The following RNF213 variants were observed in gnomAD, a reference collection of about 807,000 sequenced individuals.
RNF213 encodes the protein ring finger protein 213.
In RNF213, 341 loss-of-function variants were observed where a neutral mutation model predicts 514.4. That is an observed-to-expected ratio of 0.66 (90% CI 0.61 to 0.73). The LOEUF (loss-of-function observed/expected upper bound fraction) is 0.73. RNF213 is among the 30% of genes least tolerant of loss of function. The pLI is 0.00. For missense variants in RNF213, 5,767 were observed against 6,615.6 expected, an observed-to-expected ratio of 0.87 and a Z score of 4.45; for synonymous variants, 2,655 against 2,658.2, an observed-to-expected ratio of 1.00 and a Z score of 0.04.
chr17:80,318,874 A>G (rs896411381), intron 16 of RNF213, among the ~76,000 whole-genome samples: 1 of 152,212 alleles, frequency 6.6e-6, no homozygotes. Flanking sequence ...CGCCCGGCCT[A>G]TATGTAACTG....
chr17:80,385,182 GCT>G lies in RNF213; in HGVS notation c.14455+14_14455+15del. 1 of 1,614,156 alleles carries G rather than the reference GCT, an allele frequency of 6.2e-7. No homozygotes were observed. The highest frequency in any genetic ancestry group is 8.5e-7 in the Non-Finnish European group (1 of 1,180,010). On this transcript the variant is annotated intron_variant, in intron 60 of 67. Coordinates refer to ENST00000582970, the MANE Select transcript of RNF213 (RefSeq NM_001256071.3). ...GCAAGCACAGCTCAGGTGTGGCTCT[GCT>G]CTGACAGGACCAGGACTGTCCCGCA...
chr17:80,293,081 A>G (rs1034578668), intron 8 of RNF213, among the ~76,000 whole-genome samples: 4 of 152,086 alleles, frequency 2.6e-5, no homozygotes, highest in African/African-American at 9.7e-5. Context: ...TTTCTGAGAC[A>G]GGATCTCGCT....
intron 62 of RNF213, 28 bp from the exon 63 acceptor site, chr17:80,386,662 C>T (rs780290249): frequency 8.1e-6 from 13 of 1,611,028 alleles, no homozygotes; most frequent in East Asian, 2.2e-5. Context: ...CTGGCCTGGA[C>T]GCTGAGCGCT....
At position 80,295,544 on chromosome 17, in the gene RNF213, C is replaced by T; in HGVS notation, c.1756-13C>T. 6.2e-7 allele frequency: 1 copy of T among 1,614,080 alleles called. No homozygotes were observed. The highest frequency in any genetic ancestry group is 1.3e-5 in the African/African-American group (1 of 75,058). Reference sequence around the variant, plus strand: ...TCCATGGTTCATGCATCTTCCTCTTCTCCCACCATCAGGTGAAGAGATACC... The same window carrying T: ...TCCATGGTTCATGCATCTTCCTCTTTTCCCACCATCAGGTGAAGAGATACC... On this transcript the variant is annotated splice_polypyrimidine_tract_variant and intron_variant, in intron 9 of 67. Transcript: ENST00000582970.
At chr17:80,294,163 C>A (rs752475961) in intron 8 of RNF213, among the ~76,000 whole-genome samples, 1 of 152,218 alleles carries the variant, frequency 6.6e-6, no homozygotes, top group Non-Finnish European at 1.5e-5. Context: ...GCACTCATAT[C>A]GTTTGCAATG....
At chr17:80,340,809 T>C (rs752333057) in intron 26 of RNF213, 6 of 166,608 alleles carry the variant, frequency 3.6e-5, no homozygotes, top group African/African-American at 1.2e-4. Flanking sequence ...TTGTTTTTTG[T>C]TTTTTGTTTT....
rs1291083187 is a variant in RNF213, at chr17:80,327,872, G to A, written c.3250G>A (p.Val1084Ile). The A allele has an allele frequency of 1.3e-6, 2 of 1,537,272 alleles. No homozygotes were observed. The highest frequency in any genetic ancestry group is 1.4e-5 in the African/African-American group (1 of 73,162). ...AGAGGATGCCAAGAGGCTGATAGCT[G>A]TTGCCGACTCTGTGTTGACGAAAGT... is the stretch of plus-strand genomic sequence containing the variant. ...VTEDAKRLIA[V>I]ADSVLTKVVG... Residue 1084 changes from valine (V) to isoleucine (I), a missense_variant, in exon 19 of 68, where the codon GTT (valine) becomes ATT (isoleucine). By Grantham distance (29) the Val-to-Ile change is conservative. Coordinates refer to ENST00000582970, the MANE Select transcript of RNF213 (RefSeq NM_001256071.3).
intron 23 of RNF213, chr17:80,336,963 G>A (rs2078003562): frequency 5.3e-6 from 1 of 187,314 alleles, no homozygotes; most frequent in South Asian, 9.4e-5. Context: ...CTGTAGCAGG[G>A]TCTGAATTGA....
intron 3 of RNF213, among the ~76,000 whole-genome samples, chr17:80,281,075 C>A (rs112085363): frequency 6.7e-6 from 1 of 149,472 alleles, no homozygotes; most frequent in Admixed American, 6.7e-5. Flanking sequence ...GTCACACACA[C>A]CCCCCGCCAC....
Position 80,288,891 on chromosome 17 carries a change from G to C in RNF213, c.933+136G>C. On this transcript the variant is annotated intron_variant, in intron 5 of 67. Transcript: ENST00000582970. The surrounding 1 kb of genome is among the most constrained non-coding windows in gnomAD (Gnocchi z 4.9). ...TTCAGACAAAGCTCTGGCCTTCGGG[G>C]TGCTCACATTCCAGCGGAGAGAGAG... The C allele has an allele frequency of 1.4e-6, 2 of 1,461,836 alleles. No individual in the cohort carries two copies. Among genetic ancestry groups the C allele is most frequent in the Non-Finnish European group, 1.9e-6 (2 of 1,065,172 alleles). The allele number at this position is 1,461,836 out of a possible 1,614,324, so 90.6% of individuals were successfully genotyped here. A position where few individuals can be genotyped will look rare whatever the true frequency, so the allele number is the denominator to read the frequency against.
intron 54 of RNF213, among the ~76,000 whole-genome samples, chr17:80,378,403 C>G (rs914646662): frequency 3.3e-5 from 5 of 152,200 alleles, no homozygotes; most frequent in Admixed American, 6.5e-5. Context: ...AGTATCTGTA[C>G]TTGCTGAGCA....
rs755527671 is a variant in RNF213 at position 80,364,538 on chromosome 17, C to T, written c.11856C>T (p.Val3952=). 19 of 1,614,078 alleles carry T rather than the reference C, an allele frequency of 1.2e-5. No individual in the cohort carries two copies. The highest frequency in any genetic ancestry group is 1.6e-5 in the Non-Finnish European group (19 of 1,180,048). The change falls in exon 42 of 68, where the codon GTC becomes GTT. Residue 3952 remains valine (V), a synonymous_variant. Coordinates refer to ENST00000582970, the MANE Select transcript of RNF213 (RefSeq NM_001256071.3). Reference sequence around the variant, plus strand: ...TACAGGGGCTGGTGACCGAGCACGTCTTCTTACTAGACAAGGTGAGTACTT... The same window carrying T: ...TACAGGGGCTGGTGACCGAGCACGTTTTCTTACTAGACAAGGTGAGTACTT... The part of the protein sequence containing the change: ...PELQGLVTEH[V]FLLDKCLREN...
chr17:80,352,755 G>A (rs1005458642), intron 32 of RNF213, 185 bp from the exon 33 acceptor site: 3 of 824,400 alleles, frequency 3.6e-6, no homozygotes, highest in Admixed American at 1.7e-5. Flanking sequence ...ATAGAATCGG[G>A]TCGTGTATAG....
chr17:80,387,489 C>A (rs2080284750), intron 63 of RNF213, among the ~76,000 whole-genome samples: 1 of 152,234 alleles, frequency 6.6e-6, no homozygotes, highest in Non-Finnish European at 1.5e-5. Flanking sequence ...GGTAACCTGC[C>A]AGCAGATGCC....
chr17:80,379,994 T>G (rs1167304996), intron 55 of RNF213, among the ~76,000 whole-genome samples: 1 of 152,126 alleles, frequency 6.6e-6, no homozygotes, highest in East Asian at 1.9e-4. Flanking sequence ...GGGTGCACCT[T>G]CTGTAGAAAT....
intron 15 of RNF213, among the ~76,000 whole-genome samples, chr17:80,313,635 G>GTGATTGTGGTGGAGGTGA (rs1568051244): frequency 1.4e-4 from 19 of 137,154 alleles, no homozygotes; most frequent in African/African-American, 6.2e-4. Context: ...GGAGGTGATG[G>GTGATTGTGGTGGAGGTGA]TGGTGATGGT....
intron 15 of RNF213, among the ~76,000 whole-genome samples, chr17:80,314,273 G>A (rs2045744726): frequency 8.9e-6 from 1 of 111,946 alleles, no homozygotes; most frequent in Non-Finnish European, 1.8e-5. Flanking sequence ...TAAAGGTGAT[G>A]GTGGAGGTAC....
At chr17:80,291,581 C>A in intron 7 of RNF213, 47 bp from the exon 8 acceptor site, 1 of 1,585,326 alleles carries the variant, frequency 6.3e-7, no homozygotes, top group South Asian at 1.1e-5. Flanking sequence ...ACTAAAATTT[C>A]CGGGGTAGGA....
At chr17:80,286,420 G>C (rs1264278436) in intron 3 of RNF213, among the ~76,000 whole-genome samples, 1 of 152,188 alleles carries the variant, frequency 6.6e-6, no homozygotes, top group Non-Finnish European at 1.5e-5. Context: ...AGAAGGGGTT[G>C]CAGTGTCGGC....
Sources: gnomAD v4.1 joint callset for allele counts (sites outside exome capture counted in the v4.1 genomes callset) on GRCh38, gnomAD v4.1.1 for gene constraint, Gnocchi (gnomAD v3.1) non-coding constraint, MANE v1.5 for transcripts, NCBI Gene and HGNC (gene_info 2026-07-23, HGNC 2026-07-21) for gene names.